Variants in DNAH3 observed in about 807,000 individuals in gnomAD.
DNAH3 encodes the protein dynein axonemal heavy chain 3.
In DNAH3, 332 loss-of-function variants were observed where a neutral mutation model predicts 432.5. That is an observed-to-expected ratio of 0.77 (90% CI 0.70 to 0.84). DNAH3 has a LOEUF of 0.84. Among genes scored for constraint, DNAH3 ranks in the 40% least tolerant of loss-of-function variants. The pLI is 0.00. For missense variants in DNAH3, 4,861 were observed against 5,114.0 expected, an observed-to-expected ratio of 0.95 and a Z score of 1.51; for synonymous variants, 1,956 against 1,900.2, an observed-to-expected ratio of 1.03 and a Z score of -0.76.
In DNAH3 at chr16:20,964,158, GATCTT is replaced by G. The variant is rs1871075323; in HGVS notation, c.9721_9725del (p.Lys3241LeufsTer10). 6.2e-7 allele frequency: 1 copy of G among 1,614,158 alleles called. No homozygotes were observed. The highest frequency in any genetic ancestry group is 8.5e-7 in the Non-Finnish European group (1 of 1,180,028). Reference sequence around the variant, plus strand: ...CCTTGGACATGGAGAGAACCTCCAAGATCTTATCTTCAATTTCCTTGAGATGCTTC... The same window carrying G: ...CCTTGGACATGGAGAGAACCTCCAAGATCTTCAATTTCCTTGAGATGCTTC... On this transcript the variant is annotated frameshift_variant, in exon 53 of 62. Coordinates refer to ENST00000261383, the Ensembl canonical transcript of DNAH3. LOFTEE classifies it high-confidence loss of function.
rs1383459494 is a variant in DNAH3 at position 21,036,701 on chromosome 16, C to T, written c.5085+13G>A. The stretch of plus-strand genomic sequence containing the variant: ...AGTAAAACAGGCACATTTATATGGG[C>T]TAAGGAACCAACCTGGATAATTTTC... On this transcript the variant is annotated intron_variant, in intron 35 of 61. Transcript: ENST00000261383. The T allele has an allele frequency of 6.2e-7, 1 of 1,613,238 alleles. No homozygotes were observed. Among genetic ancestry groups the T allele is most frequent in the Non-Finnish European group, 8.5e-7 (1 of 1,179,656 alleles).
chr16:21,054,276 C>A, intron 28 of DNAH3, 144 bp downstream of exon 28: 1 of 642,398 alleles, frequency 1.6e-6, no homozygotes, highest in South Asian at 2.0e-5. Flanking sequence ...AGCCCTTTGG[C>A]TCTCATCTTA....
intron 18 of DNAH3, among the ~76,000 whole-genome samples, chr16:21,096,140 T>C (rs1398107857): frequency 6.6e-6 from 1 of 151,744 alleles, no homozygotes. Flanking sequence ...TCTGATTTTT[T>C]TTTTTTTTTT....
chr16:21,104,320 A>C (rs1184525184), intron 16 of DNAH3, 151 bp downstream of exon 16: 1 of 688,930 alleles, frequency 1.5e-6, no homozygotes, highest in African/African-American at 1.8e-5. Flanking sequence ...GGGAAACCAA[A>C]GGAAATGCCT....
rs1373565559 is a variant in DNAH3, at chr16:21,059,131, A to T, written c.3814-935T>A. On this transcript the variant is annotated intron_variant, in intron 26 of 61. Transcript: ENST00000261383. ...CATTTACTATACATATGTGTCTTAT[A>T]ACATTATGTTGTATACCTTAAATAT... is the stretch of plus-strand genomic sequence containing the variant. 2.0e-5 allele frequency among the ~76,000 whole-genome samples: 3 copies of T among 152,370 alleles called. No individual in the cohort carries two copies. The East Asian group carries it at 5.8e-4, about 29-fold the overall frequency.
chr16:21,026,525 AC>A (rs2088564386), intron 38 of DNAH3, among the ~76,000 whole-genome samples: 1 of 151,682 alleles, frequency 6.6e-6, no homozygotes. Flanking sequence ...ACATGGTGAA[AC>A]CCCATCTCTA....
At chr16:21,079,324 G>A (rs551679680) in intron 20 of DNAH3, among the ~76,000 whole-genome samples, 4 of 152,266 alleles carry the variant, frequency 2.6e-5, no homozygotes, top group Non-Finnish European at 5.9e-5. Flanking sequence ...AGGTTTTTGT[G>A]ATGGATAAAT....
chr16:21,084,529 C>T (rs762481785), intron 19 of DNAH3, among the ~76,000 whole-genome samples: 21 of 152,054 alleles, frequency 1.4e-4, no homozygotes, highest in Admixed American at 2.6e-4. Flanking sequence ...AGTGTTGGCC[C>T]GGGCTGGTTC....
intron 38 of DNAH3, among the ~76,000 whole-genome samples, chr16:21,025,440 CATT>C (rs1024753304): frequency 1.4e-5 from 2 of 146,072 alleles, no homozygotes; most frequent in African/African-American, 5.0e-5. Flanking sequence ...TATAGTATAA[CATT>C]ATATTATATA....
intron 60 of DNAH3, among the ~76,000 whole-genome samples, chr16:20,936,314 T>C (rs180680704): frequency 0.02 from 2,982 of 152,088 alleles, 37 homozygotes; most frequent in Non-Finnish European, 0.03. Flanking sequence ...CACTATGCCC[T>C]GCTGATTTTT....
At chr16:20,995,451 T>C (rs756705948) in intron 44 of DNAH3, among the ~76,000 whole-genome samples, 1 of 151,966 alleles carries the variant, frequency 6.6e-6, no homozygotes, top group Non-Finnish European at 1.5e-5. Context: ...TTAGTAGAGA[T>C]GGGGTTTCGC....
At chr16:21,119,195 G>A (rs1016972618) in intron 11 of DNAH3, among the ~76,000 whole-genome samples, 1 of 152,192 alleles carries the variant, frequency 6.6e-6, no homozygotes, top group Admixed American at 6.5e-5. Flanking sequence ...CAGGCCATGT[G>A]ACAGATCACA....
chr16:21,033,906 T>A, intron 36 of DNAH3, 68 bp downstream of exon 36: 1 of 1,115,234 alleles, frequency 9.0e-7, no homozygotes, highest in Admixed American at 1.9e-5. Flanking sequence ...CCTGGCATTA[T>A]CTCCATGGAG....
In DNAH3 at chr16:20,944,698, G is replaced by C; in HGVS notation, c.11344-35C>G. 6 of 1,610,474 alleles carry C rather than the reference G, an allele frequency of 3.7e-6. 1 individual carries two copies. In the South Asian group the frequency reaches 6.6e-5, roughly 18 times the overall value. ...AAATCTTCAGTTGAAATCAACGAGG[G>C]ACCCCAGAATCCCACAGATGACTCC... On this transcript the variant is annotated intron_variant, in intron 57 of 61. Coordinates refer to ENST00000261383, the Ensembl canonical transcript of DNAH3.
chr16:20,943,737 T>C (rs983854289), intron 58 of DNAH3, among the ~76,000 whole-genome samples: 2 of 152,140 alleles, frequency 1.3e-5, no homozygotes, highest in Non-Finnish European at 2.9e-5. Context: ...TCCCAGCACT[T>C]TTGGAAGCCA....
At chr16:21,151,637 C>T (rs768446702) in intron 1 of DNAH3, among the ~76,000 whole-genome samples, 1 of 152,130 alleles carries the variant, frequency 6.6e-6, no homozygotes, top group Non-Finnish European at 1.5e-5. Flanking sequence ...ATCCTGGGAG[C>T]AATCTCAGTC....
At chr16:20,993,177 T>G (rs1027741891) in intron 44 of DNAH3, among the ~76,000 whole-genome samples, 1 of 152,150 alleles carries the variant, frequency 6.6e-6, no homozygotes, top group African/African-American at 2.4e-5. Flanking sequence ...TAACTTCCTA[T>G]GTATTACATC....
chr16:20,982,984 G>T, intron 48 of DNAH3, 98 bp from the exon 49 acceptor site: 1 of 1,377,748 alleles, frequency 7.3e-7, no homozygotes, highest in Non-Finnish European at 1.0e-6. Context: ...GGTAAGTGGG[G>T]GCAGGCTTCC....
chr16:20,982,657 T>C, intron 49 of DNAH3, 64 bp downstream of exon 49: 3 of 1,388,018 alleles, frequency 2.2e-6, no homozygotes, highest in Non-Finnish European at 3.0e-6. Context: ...ACAACAAAAA[T>C]AGAGCCAGCG....
Sources: allele counts gnomAD v4.1 joint callset (sites outside exome capture counted in the v4.1 genomes callset), GRCh38; gene constraint gnomAD v4.1.1; transcripts MANE v1.5; gene names NCBI Gene and HGNC (gene_info 2026-07-23, HGNC 2026-07-21).